Variants in CENPP observed in about 807,000 individuals in gnomAD.
The protein encoded by CENPP is centromere protein P.
Under a neutral mutation model 35.6 loss-of-function variants are expected in CENPP, and 24 were observed. The ratio of observed to expected loss-of-function variants is 0.67; its 90% confidence interval spans 0.49 to 0.95. The LOEUF (loss-of-function observed/expected upper bound fraction) is 0.95, where lower values mean the gene tolerates loss of function less well. Ranked by LOEUF, CENPP falls within the 40% of genes least tolerant of loss-of-function variation. CENPP has a pLI of 0.00. For missense variants in CENPP, 332 were observed against 345.3 expected, an observed-to-expected ratio of 0.96 and a Z score of 0.31; for synonymous variants, 120 against 125.5, an observed-to-expected ratio of 0.96 and a Z score of 0.29.
chr9:92,334,634 C>T (rs1476836937), intron 2 of CENPP, among the ~76,000 whole-genome samples: 2 of 152,086 alleles, frequency 1.3e-5, no homozygotes, highest in Non-Finnish European at 2.9e-5. Context: ...AATGCTAGCA[C>T]TTTGGGAGGC....
intron 5 of CENPP, among the ~76,000 whole-genome samples, chr9:92,587,971 A>T (rs1850579844): frequency 6.6e-6 from 1 of 151,840 alleles, no homozygotes; most frequent in Admixed American, 6.6e-5. Context: ...CTAAAAATAC[A>T]AAAATTAGCT....
chr9:92,514,498 C>T (rs911056388), intron 5 of CENPP: 3 of 1,246,014 alleles, frequency 2.4e-6, no homozygotes, highest in East Asian at 2.5e-5. Context: ...TGGTCTCAAA[C>T]CCCTGACCTC....
intron 5 of CENPP, chr9:92,456,960 T>C (rs1390606031): frequency 9.3e-7 from 1 of 1,079,888 alleles, no homozygotes; most frequent in African/African-American, 1.7e-5. Context: ...CAGTTCTTTT[T>C]AAAATATGCT....
intron 5 of CENPP, among the ~76,000 whole-genome samples, chr9:92,479,707 T>G (rs1258539405): frequency 6.6e-6 from 1 of 152,222 alleles, no homozygotes; most frequent in Admixed American, 6.5e-5. Context: ...TCTGTTAGCC[T>G]TTTACAATTA....
chr9:92,332,326 A>G lies in CENPP; in HGVS notation c.264A>G (p.Leu88=). 6.2e-7 allele frequency: 1 copy of G among 1,600,570 alleles called. No individual in the cohort carries two copies. Among genetic ancestry groups the G allele is most frequent in the Non-Finnish European group, 8.5e-7 (1 of 1,174,684 alleles). Reference sequence around the variant, plus strand: ...ATCACTCCAAGCAGACAGAAGACCTAACAAGCACTGAGATGACAGAAAAGA... The same window carrying G: ...ATCACTCCAAGCAGACAGAAGACCTGACAAGCACTGAGATGACAGAAAAGA... ...IRNHSKQTED[L]TSTEMTEKSI... The change falls in exon 2 of 8, where the codon CTA becomes CTG. Residue 88 remains leucine, a synonymous_variant. Coordinates refer to ENST00000375587, the MANE Select transcript of CENPP (RefSeq NM_001012267.3).
chr9:92,371,990 C>T (rs1187855776), intron 4 of CENPP, among the ~76,000 whole-genome samples: 1 of 139,052 alleles, frequency 7.2e-6, no homozygotes, highest in Non-Finnish European at 1.5e-5. Flanking sequence ...CTCAGCTTCC[C>T]GAGACTCGTG....
At chr9:92,579,836 A>G (rs1254711742) in intron 5 of CENPP, among the ~76,000 whole-genome samples, 1 of 142,066 alleles carries the variant, frequency 7.0e-6, no homozygotes, top group African/African-American at 2.9e-5. Context: ...TTCCAATACT[A>G]TGTTGAATAG....
At chr9:92,539,345 T>C (rs13296623) in intron 5 of CENPP, among the ~76,000 whole-genome samples, 59,181 of 111,098 alleles carry the variant, frequency 0.53, 14,764 homozygotes, top group African/African-American at 0.73. Context: ...CTTCCCCCGC[T>C]CCCCCACCCC....
intron 4 of CENPP, among the ~76,000 whole-genome samples, chr9:92,365,267 G>A (rs907421892): frequency 5.9e-5 from 9 of 152,068 alleles, no homozygotes; most frequent in African/African-American, 2.2e-4. Context: ...TAGCTTGACT[G>A]GGGAAGGCCT....
chr9:92,409,864 T>G (rs1237941473), intron 5 of CENPP, among the ~76,000 whole-genome samples: 1 of 152,206 alleles, frequency 6.6e-6, no homozygotes, highest in Non-Finnish European at 1.5e-5. Context: ...ATGTACTATT[T>G]GAAGAAAATA....
At chr9:92,427,607 A>T (rs1022315437) in intron 5 of CENPP, among the ~76,000 whole-genome samples, 1 of 151,980 alleles carries the variant, frequency 6.6e-6, no homozygotes, top group Non-Finnish European at 1.5e-5. Context: ...CGGCCTCCCA[A>T]GTAGCTGGTA....
intron 5 of CENPP, chr9:92,401,061 T>C: frequency 1.0e-6 from 1 of 1,004,496 alleles, no homozygotes; most frequent in Non-Finnish European, 1.6e-6. Context: ...TTTTAAAAGA[T>C]CCATTTGAAA....
At chr9:92,415,465 G>C in intron 5 of CENPP, 1 of 1,581,898 alleles carries the variant, frequency 6.3e-7, no homozygotes, top group Admixed American at 1.8e-5. Context: ...ACACATCACT[G>C]TAAGATTCAT....
intron 5 of CENPP, among the ~76,000 whole-genome samples, chr9:92,430,452 A>G (rs984102720): frequency 6.7e-6 from 1 of 149,428 alleles, no homozygotes; most frequent in African/African-American, 2.5e-5. Flanking sequence ...AGATGAAGTC[A>G]TTCAAGCGAT....
chr9:92,412,259 A>C (rs368811195), intron 5 of CENPP, among the ~76,000 whole-genome samples: 32 of 151,650 alleles, frequency 2.1e-4, no homozygotes, highest in African/African-American at 7.7e-4. Flanking sequence ...GCTAATTTTT[A>C]ATTTTTTTGT....
Position 92,464,787 on chromosome 9 carries a change from A to G in CENPP, c.564+84928A>G, listed in dbSNP as rs752889006. On this transcript the variant is annotated intron_variant, in intron 5 of 7. Transcript: ENST00000375587. ...ATGGCATTTTATGTGTGTGTAGACT[A>G]TATTGACCAGATTTACTGGTGCAAA... 9.2e-6 allele frequency: 7 copies of G among 757,390 alleles called. No individual in the cohort carries two copies. The South Asian group carries it at 1.0e-4, about 11-fold the overall frequency. 46.9% of individuals were successfully genotyped at this position (757,390 alleles called of 1,614,324 possible). A position where few individuals can be genotyped will look rare whatever the true frequency, so the allele number is the denominator to read the frequency against.
chr9:92,366,766 C>T, intron 4 of CENPP, among the ~76,000 whole-genome samples: 1 of 152,112 alleles, frequency 6.6e-6, no homozygotes, highest in East Asian at 1.9e-4. Flanking sequence ...TTTCAAACAT[C>T]TGAGGCTGTT....
At position 92,600,559 on chromosome 9, in the gene CENPP, T is replaced by C. The variant is rs570881325; in HGVS notation, c.565-10755T>C. ...CACTGGGGCTGGGGCACATGGAGAA[T>C]GTTTGGCACAAGCCCTTGCGAGGGT... On this transcript the variant is annotated intron_variant, in intron 5 of 7. Transcript: ENST00000375587. The C allele has an allele frequency of 1.9e-6, 3 of 1,611,904 alleles. No individual in the cohort carries two copies. In the African/African-American group the frequency reaches 4.0e-5, roughly 22 times the overall value.
chr9:92,442,848 C>CAAA (rs776364640), intron 5 of CENPP, among the ~76,000 whole-genome samples: 1 of 114,986 alleles, frequency 8.7e-6, no homozygotes, highest in Non-Finnish European at 1.9e-5. Flanking sequence ...GACTCCTTCT[C>CAAA]AAAAAAAAAA....
Sources: gnomAD v4.1 joint callset for allele counts (sites outside exome capture counted in the v4.1 genomes callset) on GRCh38, gnomAD v4.1.1 for gene constraint, MANE v1.5 for transcripts, NCBI Gene and HGNC (gene_info 2026-07-23, HGNC 2026-07-21) for gene names.